TTLL11: variants seen among roughly 807,000 people sequenced by gnomAD.
TTLL11 encodes the protein tubulin polyglutamylase TTLL11.
A neutral mutation model predicts 51.7 loss-of-function variants in TTLL11; 42 were observed. The observed-to-expected ratio is 0.81, with a 90% CI of 0.64 to 1.05. TTLL11 has a LOEUF of 1.05. Ranked by LOEUF, TTLL11 falls within the 50% of genes least tolerant of loss-of-function variation. The pLI, the probability that TTLL11 is intolerant of heterozygous loss-of-function variation, is 0.00. For missense variants in TTLL11, 799 were observed against 940.4 expected, an observed-to-expected ratio of 0.85 and a Z score of 1.97; for synonymous variants, 381 against 383.5, an observed-to-expected ratio of 0.99 and a Z score of 0.08.
At chr9:121,850,062 TA>T (rs1837623248) in intron 8 of TTLL11, among the ~76,000 whole-genome samples, 1 of 85,250 alleles carries the variant, frequency 1.2e-5, no homozygotes, top group South Asian at 4.6e-4. Context: ...ATTGTTATAT[TA>T]TTTTTTATTT....
At chr9:121,883,190 G>C (rs1838864806) in intron 6 of TTLL11, among the ~76,000 whole-genome samples, 1 of 152,124 alleles carries the variant, frequency 6.6e-6, no homozygotes. Flanking sequence ...CGGTCATTCT[G>C]GTTCCACCCC....
chr9:121,942,787 A>G (rs958958987), intron 6 of TTLL11, among the ~76,000 whole-genome samples: 2 of 132,704 alleles, frequency 1.5e-5, no homozygotes, highest in African/African-American at 5.7e-5. Context: ...GTGCTTTCAC[A>G]CTTTCCTGCC....
At position 122,031,822 on chromosome 9, in the gene TTLL11, G is replaced by A. The variant is rs778673816; in HGVS notation, c.594C>T (p.Ser198=). The A allele has an allele frequency of 6.2e-6, 10 of 1,613,834 alleles. No homozygotes were observed. In the African/African-American group the frequency reaches 1.1e-4, roughly 17 times the overall value. Reference sequence around the variant, plus strand: ...GATTCTGCATGGTTCTCACTGCTCTGCTCAGAGTAATTTTACGCACCATCT... The same window carrying A: ...GATTCTGCATGGTTCTCACTGCTCTACTCAGAGTAATTTTACGCACCATCT... The part of the protein sequence containing the change: ...MTEMVRKITL[S]RAVRTMQNLF... The change falls in exon 3 of 9, where the codon AGC becomes AGT. Residue 198 remains serine, a synonymous_variant. Coordinates refer to ENST00000321582, the MANE Select transcript of TTLL11 (RefSeq NM_001139442.2).
intron 4 of TTLL11, among the ~76,000 whole-genome samples, chr9:121,977,898 C>T (rs1474044088): frequency 2.0e-5 from 3 of 152,132 alleles, no homozygotes; most frequent in Non-Finnish European, 4.4e-5. Context: ...TAGTCTCCAA[C>T]TCCTGACCTC....
intron 1 of TTLL11, among the ~76,000 whole-genome samples, chr9:122,089,336 G>A (rs1846203082): frequency 6.6e-6 from 1 of 152,164 alleles, no homozygotes; most frequent in South Asian, 2.1e-4. Flanking sequence ...AGAAGTTCTT[G>A]CTCCTAAAAC....
chr9:122,045,196 T>C (rs1273547554), intron 1 of TTLL11, among the ~76,000 whole-genome samples: 1 of 151,700 alleles, frequency 6.6e-6, no homozygotes, highest in Non-Finnish European at 1.5e-5. Flanking sequence ...GCTGCTGTAG[T>C]TAAAAAAAAA....
intron 1 of TTLL11, among the ~76,000 whole-genome samples, chr9:122,042,647 TA>T (rs1844876744): frequency 6.6e-6 from 1 of 152,248 alleles, no homozygotes; most frequent in Non-Finnish European, 1.5e-5. Flanking sequence ...GCTGTATTCA[TA>T]ACTGCCAAAA....
chr9:122,087,794 C>T (rs1262743252), intron 1 of TTLL11, among the ~76,000 whole-genome samples: 1 of 152,112 alleles, frequency 6.6e-6, no homozygotes, highest in Admixed American at 6.5e-5. Context: ...GGAAGAAGAC[C>T]ATACAAATCC....
At chr9:121,894,751 G>T (rs950773883) in intron 6 of TTLL11, among the ~76,000 whole-genome samples, 2 of 152,122 alleles carry the variant, frequency 1.3e-5, no homozygotes, top group South Asian at 4.2e-4. Context: ...GCCTGTCGGG[G>T]GGTGGGGACT....
intron 4 of TTLL11, among the ~76,000 whole-genome samples, chr9:121,986,082 C>T (rs184891246): frequency 2.0e-5 from 3 of 152,340 alleles, no homozygotes; most frequent in Non-Finnish European, 2.9e-5. Context: ...TGCTCCTCCT[C>T]TGGCCCAGGC....
At chr9:121,864,397 G>A (rs1291771109) in intron 7 of TTLL11, among the ~76,000 whole-genome samples, 1 of 152,202 alleles carries the variant, frequency 6.6e-6, no homozygotes, top group Non-Finnish European at 1.5e-5. Context: ...GAAAAGTCCA[G>A]GAAATAGAGT....
intron 6 of TTLL11, among the ~76,000 whole-genome samples, chr9:121,907,988 G>T (rs1839999065): frequency 6.6e-6 from 1 of 152,140 alleles, no homozygotes; most frequent in South Asian, 2.1e-4. Context: ...CCTTTCTGGG[G>T]CTCAGTATTC....
rs547373977 is a variant in TTLL11, at chr9:121,948,512, G to A, written c.1481+25497C>T. Among the ~76,000 whole-genome samples, 14 of 152,338 alleles carry A rather than the reference G, an allele frequency of 9.2e-5. No homozygotes were observed. The South Asian group carries it at 2.9e-3, about 32-fold the overall frequency. On this transcript the variant is annotated intron_variant, in intron 6 of 8. Coordinates refer to ENST00000321582, the MANE Select transcript of TTLL11 (RefSeq NM_001139442.2). The stretch of plus-strand genomic sequence containing the variant: ...ACTCTGCCAGTCACTTGATGATGGT[G>A]ATTACATGCCGCTCTCCAAGCCCTT...
intron 1 of TTLL11, among the ~76,000 whole-genome samples, chr9:122,061,614 T>A (rs756099411): frequency 4.6e-5 from 7 of 152,202 alleles, no homozygotes; most frequent in Non-Finnish European, 8.8e-5. Flanking sequence ...ATTAGACTAG[T>A]AAGACTAAAT....
chr9:121,863,747 T>C (rs1838091906), intron 7 of TTLL11, among the ~76,000 whole-genome samples: 1 of 152,240 alleles, frequency 6.6e-6, no homozygotes. Context: ...ATCAGCTCTC[T>C]GGATTTTAAC....
intron 4 of TTLL11, among the ~76,000 whole-genome samples, chr9:121,986,906 ATAAAT>A: frequency 6.6e-6 from 1 of 152,026 alleles, no homozygotes. Flanking sequence ...AGAACTGATA[ATAAAT>A]TGTGCATATT....
In TTLL11 at chr9:121,907,593, T is replaced by C. The variant is rs4128248; in HGVS notation, c.1482-36845A>G. On this transcript the variant is annotated intron_variant, in intron 6 of 8. Transcript: ENST00000321582. Reference sequence around the variant, plus strand: ...TCAGAGAGCACCACCTTTAAGTCCATTATCTAAAAATCATTTAAGATTCTT... The same window carrying C: ...TCAGAGAGCACCACCTTTAAGTCCACTATCTAAAAATCATTTAAGATTCTT... Among the ~76,000 whole-genome samples, 1,296 of 152,312 alleles carry C rather than the reference T, an allele frequency of 8.5e-3. 18 individuals carry two copies. The highest frequency in any genetic ancestry group is 0.03 in the African/African-American group (1,244 of 41,574).
intron 6 of TTLL11, among the ~76,000 whole-genome samples, chr9:121,929,956 G>A (rs893708080): frequency 1.3e-5 from 2 of 152,220 alleles, no homozygotes; most frequent in Non-Finnish European, 2.9e-5. Flanking sequence ...ATATGTGTAA[G>A]CATTTTAAGA....
intron 1 of TTLL11, among the ~76,000 whole-genome samples, chr9:122,047,072 G>C (rs1845027702): frequency 6.6e-6 from 1 of 152,160 alleles, no homozygotes; most frequent in South Asian, 2.1e-4. Flanking sequence ...AGGAATCCCA[G>C]AGAGCAACGA....
Sources: gnomAD v4.1 joint callset for allele counts (sites outside exome capture counted in the v4.1 genomes callset) on GRCh38, gnomAD v4.1.1 for gene constraint, MANE v1.5 for transcripts, NCBI Gene and HGNC (gene_info 2026-07-23, HGNC 2026-07-21) for gene names.